ASH1L: variants seen among roughly 807,000 people sequenced by gnomAD.
The protein encoded by ASH1L is histone-lysine N-methyltransferase ASH1L.
Under a neutral mutation model 269.0 loss-of-function variants are expected in ASH1L, and 23 were observed. That is an observed-to-expected ratio of 0.09 (90% CI 0.06 to 0.12). The LOEUF (loss-of-function observed/expected upper bound fraction) is 0.12, where lower values mean the gene tolerates loss of function less well. ASH1L is among the 10% of genes least tolerant of loss of function. The pLI, the probability that ASH1L is intolerant of heterozygous loss-of-function variation, is 1.00. For missense variants in ASH1L, 2,912 were observed against 3,567.8 expected (o/e 0.82, Z 4.68); for synonymous variants, 1,187 against 1,253.5 (o/e 0.95, Z 1.12).
chr1:155,433,097 G>A, intron 5 of ASH1L: 2 of 1,319,078 alleles, frequency 1.5e-6, no homozygotes, highest in Non-Finnish European at 2.0e-6. Context: ...CTATGACAGA[G>A]ATACCAAAAT....
Position 155,438,961 on chromosome 1 carries a change from T to C in ASH1L, c.5194A>G (p.Lys1732Glu), listed in dbSNP as rs1662328066. The C allele has an allele frequency of 6.2e-7, 1 of 1,614,024 alleles. No individual in the cohort carries two copies. The highest frequency in any genetic ancestry group is 8.5e-7 in the Non-Finnish European group (1 of 1,180,030). ...VQNEDQEPME[K>E]SIDAVIATAS... Reference sequence around the variant, plus strand: ...GTTGCAATCACAGCATCAATACTTTTCTCCATGGGCTCTTGGTCCTCATTT... The same window carrying C: ...GTTGCAATCACAGCATCAATACTTTCCTCCATGGGCTCTTGGTCCTCATTT... The change falls in exon 5 of 28, where the codon AAA (lysine) becomes GAA (glutamate). Residue 1732 changes from lysine to glutamate, a missense_variant. Physicochemically the swap from Lys to Glu is moderately conservative, Grantham distance 56. This residue lies in a region of ASH1L where 789 missense variants were observed against 897.6 expected (regional missense o/e 0.88). Transcript: ENST00000392403.
intron 10 of ASH1L, among the ~76,000 whole-genome samples, chr1:155,376,444 TA>T (rs201967391): frequency 0.022 from 3,384 of 152,342 alleles, 115 homozygotes; most frequent in African/African-American, 0.077. Context: ...GCATTGTTAC[TA>T]AAACAACAAA....
At chr1:155,492,990 A>AT (rs1666913257) in intron 2 of ASH1L, among the ~76,000 whole-genome samples, 1 of 151,844 alleles carries the variant, frequency 6.6e-6, no homozygotes, top group African/African-American at 2.4e-5. Context: ...TGCCTGGCTA[A>AT]TTTTTTCTAG....
intron 13 of ASH1L, 123 bp downstream of exon 13, chr1:155,360,177 AC>A (rs1181389449): frequency 9.0e-6 from 6 of 669,796 alleles, no homozygotes; most frequent in Admixed American, 4.7e-5. Flanking sequence ...GGTGTGAACC[AC>A]TGTGTCCAGC....
intron 5 of ASH1L, among the ~76,000 whole-genome samples, chr1:155,432,479 G>GA (rs1661683729): frequency 1.3e-5 from 2 of 152,036 alleles, no homozygotes; most frequent in South Asian, 2.1e-4. Flanking sequence ...AATACTAATT[G>GA]AAAAAATAAA....
chr1:155,513,625 C>A (rs532503335), intron 2 of ASH1L, among the ~76,000 whole-genome samples: 1 of 151,112 alleles, frequency 6.6e-6, no homozygotes, highest in Non-Finnish European at 1.5e-5. Flanking sequence ...CACAGCGACA[C>A]CCAATCTCTT....
chr1:155,386,669 C>G (rs1657455960), intron 7 of ASH1L, among the ~76,000 whole-genome samples: 1 of 152,144 alleles, frequency 6.6e-6, no homozygotes, highest in Admixed American at 6.6e-5. Context: ...GCTGGGATGA[C>G]AGGCGTGAGC....
At chr1:155,371,798 A>T (rs924115405) in intron 10 of ASH1L, among the ~76,000 whole-genome samples, 3 of 149,908 alleles carry the variant, frequency 2.0e-5, no homozygotes, top group African/African-American at 7.4e-5. Context: ...GGTTCAAGAG[A>T]TTCTCCTGCC....
At position 155,478,281 on chromosome 1, in the gene ASH1L, T is replaced by C. The variant is rs780654679; in HGVS notation, c.4589A>G (p.His1530Arg). 3 of 1,614,044 alleles carry C rather than the reference T, an allele frequency of 1.9e-6. No individual in the cohort carries two copies. The highest frequency in any genetic ancestry group is 2.5e-6 in the Non-Finnish European group (3 of 1,180,042). ...CATGTGACAACGGTGCTTTTCCTTA[T>C]GCTTATATCGCTCTCCAACAGCATC... ...GKDAVGERYK[H>R]KEKHRCHMSC... Residue 1530 changes from histidine to arginine, a missense_variant, in exon 3 of 28, where the codon CAT becomes CGT. Around this residue, in one of 13 missense-constraint regions of ASH1L, gnomAD observed 789 missense variants for 897.6 expected, o/e 0.88. Coordinates refer to ENST00000392403, the MANE Select transcript of ASH1L (RefSeq NM_018489.3). This position sits in a 1 kb window ranked among gnomAD's most constrained non-coding sequence, Gnocchi z 4.6.
intron 4 of ASH1L, among the ~76,000 whole-genome samples, chr1:155,459,315 C>T (rs1664114614): frequency 1.3e-5 from 2 of 152,194 alleles, no homozygotes; most frequent in South Asian, 4.1e-4. Flanking sequence ...CCTGCCTCAG[C>T]CTCCCAAGTA....
chr1:155,401,162 C>T (rs1368769554), intron 6 of ASH1L, among the ~76,000 whole-genome samples: 1 of 138,430 alleles, frequency 7.2e-6, no homozygotes, highest in Admixed American at 7.2e-5. Flanking sequence ...CTCTCTGTCT[C>T]AAAAAAAAAA....
chr1:155,351,244 C>CA (rs1216704261), intron 17 of ASH1L, among the ~76,000 whole-genome samples: 1,033 of 96,140 alleles, frequency 0.011, 7 homozygotes, highest in African/African-American at 0.027. Flanking sequence ...GACTCTGTCT[C>CA]AAAAAAAAAA....
chr1:155,506,633 A>G (rs28507559), intron 2 of ASH1L, among the ~76,000 whole-genome samples: 7,471 of 152,120 alleles, frequency 0.049, 629 homozygotes, highest in African/African-American at 0.17. Flanking sequence ...GGAGGTGGAG[A>G]CTGCAGTGTG....
At position 155,343,650 on chromosome 1, in the gene ASH1L, C is replaced by T; in HGVS notation, c.8074G>A (p.Asp2692Asn). The T allele has an allele frequency of 6.2e-7, 1 of 1,614,188 alleles. No individual in the cohort carries two copies. The highest frequency in any genetic ancestry group is 8.5e-7 in the Non-Finnish European group (1 of 1,180,030). ...SYRLLSHINRDKLDIFRIEKL... is the reference protein window; with the variant it reads ...SYRLLSHINRNKLDIFRIEKL... ...TCAATGCGAAAGATGTCAAGTTTAT[C>T]TCGGTTAATGTGAGATAACAGTCGA... Residue 2692 changes from aspartate (D) to asparagine (N), a missense_variant, in exon 23 of 28, where the codon GAT (aspartate) becomes AAT (asparagine). Physicochemically the swap from Asp to Asn is conservative, Grantham distance 23. Around this residue, in one of 13 missense-constraint regions of ASH1L, gnomAD observed 179 missense variants for 293.8 expected, o/e 0.61. Coordinates refer to ENST00000392403, the MANE Select transcript of ASH1L (RefSeq NM_018489.3). The surrounding 1 kb of genome is among the most constrained non-coding windows in gnomAD (Gnocchi z 6.1).
chr1:155,541,581 A>G (rs1234929745), intron 1 of ASH1L, among the ~76,000 whole-genome samples: 1 of 152,142 alleles, frequency 6.6e-6, no homozygotes, highest in Non-Finnish European at 1.5e-5. Flanking sequence ...AAGTTAGACA[A>G]ATTTTTTACT....
chr1:155,502,071 C>CTTTTCT (rs1553269575), intron 2 of ASH1L, among the ~76,000 whole-genome samples: 7 of 126,426 alleles, frequency 5.5e-5, no homozygotes, highest in Admixed American at 8.1e-5. Flanking sequence ...CTTTTCTTTT[C>CTTTTCT]TTTTTTTTTT....
At position 155,343,120 on chromosome 1, in the gene ASH1L, C is replaced by T. The variant is rs1324412191; in HGVS notation, c.8293+194G>A. Reference sequence around the variant, plus strand: ...TCTGCCTCCCAGGCTCAGCAATCCTCCCAGTAGTTGGGACTACAGGCCTAC... The same window carrying T: ...TCTGCCTCCCAGGCTCAGCAATCCTTCCAGTAGTTGGGACTACAGGCCTAC... On this transcript the variant is annotated intron_variant, in intron 24 of 27. Transcript: ENST00000392403. This position sits in a 1 kb window ranked among gnomAD's most constrained non-coding sequence, Gnocchi z 6.1. 7 of 545,998 alleles carry T rather than the reference C, an allele frequency of 1.3e-5. No individual in the cohort carries two copies. Among genetic ancestry groups the T allele is most frequent in the Non-Finnish European group, 1.6e-5 (5 of 314,034 alleles). 33.8% of individuals were successfully genotyped at this position (545,998 alleles called of 1,614,324 possible). A position where few individuals can be genotyped will look rare whatever the true frequency, so the allele number is the denominator to read the frequency against.
intron 10 of ASH1L, among the ~76,000 whole-genome samples, chr1:155,376,765 G>C (rs1571040724): frequency 6.6e-6 from 1 of 151,292 alleles, no homozygotes; most frequent in African/African-American, 2.4e-5. Flanking sequence ...TGAGGCAGGA[G>C]AATCTCTTGA....
chr1:155,489,861 A>G (rs920789789), intron 2 of ASH1L, among the ~76,000 whole-genome samples: 4 of 151,322 alleles, frequency 2.6e-5, no homozygotes, highest in Non-Finnish European at 5.9e-5. Context: ...ATCCAATTGC[A>G]TTTTTCTTTC....
Sources: allele counts gnomAD v4.1 joint callset (sites outside exome capture counted in the v4.1 genomes callset), GRCh38; gene constraint gnomAD v4.1.1; regional missense constraint gnomAD v4.1.1; non-coding constraint Gnocchi (gnomAD v3.1); transcripts MANE v1.5; gene names NCBI Gene and HGNC (gene_info 2026-07-23, HGNC 2026-07-21).